PRR16: variants seen among roughly 807,000 people sequenced by gnomAD.
The protein encoded by PRR16 is proline rich 16, also known as protein Largen.
In PRR16, 6 loss-of-function variants were observed where a neutral mutation model predicts 18.2. The observed-to-expected ratio is 0.33, with a 90% CI of 0.18 to 0.65. The LOEUF (loss-of-function observed/expected upper bound fraction) is 0.65. PRR16 is among the 30% of genes least tolerant of loss of function. The probability of loss-of-function intolerance (pLI) is 0.74; values close to 1 mark genes in which losing one functional copy is unlikely to be tolerated. For missense variants in PRR16, 412 were observed against 376.6 expected (o/e 1.09, Z -0.78); for synonymous variants, 151 against 147.8 (o/e 1.02, Z -0.16).
intron 1 of PRR16, among the ~76,000 whole-genome samples, chr5:120,589,740 C>T (rs1282672644): frequency 2.6e-5 from 4 of 151,976 alleles, no homozygotes; most frequent in African/African-American, 9.7e-5. Flanking sequence ...TGGCAGAAAC[C>T]ACCCTCATGA....
the PRR16 span, among the ~76,000 whole-genome samples, chr5:120,702,715 T>C: frequency 1.3e-5 from 2 of 151,756 alleles, no homozygotes; most frequent in Admixed American, 1.3e-4. Flanking sequence ...TGAAAGGAAT[T>C]GAAATTAAGA....
intron 1 of PRR16, among the ~76,000 whole-genome samples, chr5:120,537,443 G>A (rs1423924840): frequency 6.6e-6 from 1 of 152,060 alleles, no homozygotes; most frequent in Non-Finnish European, 1.5e-5. Context: ...TACACATGTT[G>A]CATACCAGGC....
the PRR16 span, among the ~76,000 whole-genome samples, chr5:120,728,325 C>CT: frequency 0.43 from 62,683 of 146,374 alleles, 16,405 homozygotes; most frequent in East Asian, 0.8. Flanking sequence ...CAAAAATAAC[C>CT]TTTTTTTTTT....
At chr5:120,525,298 C>T (rs975718922) in intron 1 of PRR16, among the ~76,000 whole-genome samples, 7 of 152,104 alleles carry the variant, frequency 4.6e-5, no homozygotes, top group Admixed American at 6.5e-5. Flanking sequence ...GGCTACATTA[C>T]ATGGACACAT....
the PRR16 span, among the ~76,000 whole-genome samples, chr5:120,753,129 A>G: frequency 1.3e-5 from 2 of 152,010 alleles, no homozygotes; most frequent in Non-Finnish European, 2.9e-5. Context: ...TAAAAGGTCA[A>G]TCTGGTGTAC....
At chr5:120,611,276 A>G (rs1267713409) in intron 1 of PRR16, among the ~76,000 whole-genome samples, 1 of 152,210 alleles carries the variant, frequency 6.6e-6, no homozygotes, top group Non-Finnish European at 1.5e-5. Context: ...TATGTGATGG[A>G]AAAGAAAATC....
chr5:120,624,319 A>G (rs1006167814), intron 1 of PRR16, among the ~76,000 whole-genome samples: 1 of 152,216 alleles, frequency 6.6e-6, no homozygotes, highest in Middle Eastern at 3.2e-3. Context: ...TGTTTCACTC[A>G]TATTTGAAAG....
the PRR16 span, among the ~76,000 whole-genome samples, chr5:120,794,458 T>G: frequency 6.6e-6 from 1 of 152,192 alleles, no homozygotes; most frequent in Non-Finnish European, 1.5e-5. Flanking sequence ...TATATTGATA[T>G]TCATATTATT....
chr5:120,572,220 G>A (rs966802758), intron 1 of PRR16, among the ~76,000 whole-genome samples: 3 of 152,216 alleles, frequency 2.0e-5, no homozygotes, highest in Non-Finnish European at 4.4e-5. Flanking sequence ...AAATTCCATG[G>A]CAGGGAATTG....
the PRR16 span, among the ~76,000 whole-genome samples, chr5:120,695,620 A>G: frequency 8.5e-5 from 13 of 152,084 alleles, no homozygotes; most frequent in Non-Finnish European, 1.5e-4. Flanking sequence ...TTTCATCTCA[A>G]TCCAAAAATT....
the PRR16 span, among the ~76,000 whole-genome samples, chr5:120,779,653 T>C: frequency 6.6e-6 from 1 of 152,172 alleles, no homozygotes; most frequent in Non-Finnish European, 1.5e-5. Flanking sequence ...TTATGCTCTG[T>C]ATTGTATTAC....
the PRR16 span, among the ~76,000 whole-genome samples, chr5:120,785,575 G>GTTTTTTTTTTTTTTTTTTTTTTTT: frequency 8.7e-6 from 1 of 115,394 alleles, no homozygotes; most frequent in Non-Finnish European, 1.7e-5. Flanking sequence ...TGTTGTTGTT[G>GTTTTTTTTTTTTTTTTTTTTTTTT]TTTTTTTTTT....
chr5:120,753,628 G>A, the PRR16 span, among the ~76,000 whole-genome samples: 1 of 150,998 alleles, frequency 6.6e-6, no homozygotes. Flanking sequence ...TGATAGTGAT[G>A]AATTAGGTAT....
At chr5:120,758,997 A>G in the PRR16 span, among the ~76,000 whole-genome samples, 1 of 101,250 alleles carries the variant, frequency 9.9e-6, no homozygotes, top group Non-Finnish European at 1.9e-5. Context: ...TTTTTTTGAG[A>G]CGGAGTCTTG....
chr5:120,582,844 C>G (rs1753318350), intron 1 of PRR16, among the ~76,000 whole-genome samples: 1 of 151,360 alleles, frequency 6.6e-6, no homozygotes, highest in Admixed American at 6.6e-5. Flanking sequence ...GGCAGTTTGC[C>G]AGATCTACAT....
chr5:120,557,154 A>G (rs1752440182), intron 1 of PRR16, among the ~76,000 whole-genome samples: 1 of 151,846 alleles, frequency 6.6e-6, no homozygotes, highest in South Asian at 2.1e-4. Flanking sequence ...AGAGGGGGAA[A>G]TTTTCTTAAA....
chr5:120,660,350 AG>A (rs1756133588), intron 1 of PRR16, among the ~76,000 whole-genome samples: 1 of 152,082 alleles, frequency 6.6e-6, no homozygotes, highest in Non-Finnish European at 1.5e-5. Context: ...CTTTAAAGGA[AG>A]CATGCCACAG....
At chr5:120,564,380 A>T (rs962452484) in intron 1 of PRR16, among the ~76,000 whole-genome samples, 1 of 152,096 alleles carries the variant, frequency 6.6e-6, no homozygotes, top group Admixed American at 6.6e-5. Context: ...CTAGCACCCC[A>T]GAACACTCTG....
chr5:120,723,767 C>T, the PRR16 span, among the ~76,000 whole-genome samples: 2 of 151,812 alleles, frequency 1.3e-5, no homozygotes, highest in African/African-American at 2.4e-5. Context: ...TATTTTGTCC[C>T]TATGCATTAC....
Sources: gnomAD v4.1 joint callset for allele counts (sites outside exome capture counted in the v4.1 genomes callset) on GRCh38, gnomAD v4.1.1 for gene constraint, MANE v1.5 for transcripts, NCBI Gene and HGNC (gene_info 2026-07-23, HGNC 2026-07-21) for gene names.